Variants in CRYL1 observed in about 807,000 individuals in gnomAD.
CRYL1 encodes crystallin lambda 1.
In CRYL1, 29 loss-of-function variants were observed where a neutral mutation model predicts 36.6. That is an observed-to-expected ratio of 0.79 (90% confidence interval 0.59 to 1.08). The LOEUF (loss-of-function observed/expected upper bound fraction) is 1.08, where lower values mean the gene tolerates loss of function less well. Among genes scored for constraint, CRYL1 ranks in the 50% least tolerant of loss-of-function variants. The pLI, the probability that CRYL1 is intolerant of heterozygous loss-of-function variation, is 0.00. For missense variants in CRYL1, 411 were observed against 407.9 expected (o/e 1.01, Z -0.06); for synonymous variants, 152 against 151.5 (o/e 1.00, Z -0.02).
chr13:20,492,376 A>G (rs887743833), intron 2 of CRYL1, among the ~76,000 whole-genome samples: 20 of 152,234 alleles, frequency 1.3e-4, no homozygotes, highest in Non-Finnish European at 4.4e-5. Flanking sequence ...AAATTATCAC[A>G]AACAGTGGCT....
chr13:20,404,558 C>T (rs1376665908), intron 7 of CRYL1, 77 bp downstream of exon 7: 5 of 921,682 alleles, frequency 5.4e-6, no homozygotes, highest in Admixed American at 3.8e-5. Context: ...GGCCCACCCG[C>T]TGCAGAGGTG....
chr13:20,417,373 A>T (rs2031696577), intron 5 of CRYL1, among the ~76,000 whole-genome samples: 1 of 152,204 alleles, frequency 6.6e-6, no homozygotes, highest in Non-Finnish European at 1.5e-5. Context: ...CAGGGAACTG[A>T]CAAGCGATTC....
At chr13:20,516,760 G>A (rs562149996) in intron 1 of CRYL1, among the ~76,000 whole-genome samples, 2 of 152,250 alleles carry the variant, frequency 1.3e-5, no homozygotes, top group African/African-American at 2.4e-5. Context: ...GATTACAGGC[G>A]TCAGCCACCA....
intron 5 of CRYL1, chr13:20,431,137 A>T: frequency 2.0e-6 from 2 of 985,418 alleles, no homozygotes; most frequent in Non-Finnish European, 2.4e-6. Context: ...TGTGATGCAC[A>T]CCTGCCTGGT....
rs1438487693 is a variant in CRYL1, at chr13:20,415,916, C to T, written c.634-2529G>A. ...ATTCACCTGCGTCATGTGTCCATCTCCTTGATGCAGAGATATGAGTTTAGT... is the reference window on the plus strand; with the variant it reads ...ATTCACCTGCGTCATGTGTCCATCTTCTTGATGCAGAGATATGAGTTTAGT... On this transcript the variant is annotated intron_variant, in intron 5 of 7. Coordinates refer to ENST00000298248, the MANE Select transcript of CRYL1 (RefSeq NM_015974.3). This position sits in a 1 kb window ranked among gnomAD's most constrained non-coding sequence, Gnocchi z 4.1. Among the ~76,000 whole-genome samples, 3 of 152,222 alleles carry T rather than the reference C, an allele frequency of 2.0e-5. No individual in the cohort carries two copies. Among genetic ancestry groups the T allele is most frequent in the African/African-American group, 7.2e-5 (3 of 41,464 alleles).
rs183089566 is a variant in CRYL1 at position 20,524,318 on chromosome 13, T to A, written c.41+1436A>T. The stretch of plus-strand genomic sequence containing the variant: ...GAGTGTATATATATACACACACACA[T>A]AAACTCTGGTAACTATTAATAAAAT... On this transcript the variant is annotated intron_variant, in intron 1 of 7. Transcript: ENST00000298248. Among the ~76,000 whole-genome samples the A allele has an allele frequency of 4.7e-3, 722 of 152,218 alleles. 12 individuals carry two copies. The highest frequency in any genetic ancestry group is 0.016 in the African/African-American group (652 of 41,530).
At chr13:20,447,878 G>C (rs1051424212) in intron 3 of CRYL1, among the ~76,000 whole-genome samples, 2 of 152,098 alleles carry the variant, frequency 1.3e-5, no homozygotes, top group African/African-American at 4.8e-5. Context: ...CATAAAAACT[G>C]TTTGCCTCAG....
intron 2 of CRYL1, among the ~76,000 whole-genome samples, chr13:20,494,991 T>C (rs555624204): frequency 5.3e-5 from 8 of 152,346 alleles, no homozygotes; most frequent in Non-Finnish European, 7.3e-5. Context: ...GGACGTCCAG[T>C]GAAAGCTGCG....
At chr13:20,413,440 TG>T (rs773860829) in intron 5 of CRYL1, 53 bp from the exon 6 acceptor site, 66 of 1,106,464 alleles carry the variant, frequency 6.0e-5, no homozygotes, top group Non-Finnish European at 8.9e-5. Flanking sequence ...GACAATTTCA[TG>T]ACCACCACTT....
intron 3 of CRYL1, among the ~76,000 whole-genome samples, chr13:20,469,006 C>T (rs2032999680): frequency 1.3e-5 from 2 of 152,130 alleles, no homozygotes; most frequent in South Asian, 2.1e-4. Context: ...TGGAGAGTGT[C>T]GACGTCAAGC....
At chr13:20,436,793 A>G (rs1488503332) in intron 4 of CRYL1, among the ~76,000 whole-genome samples, 1 of 152,158 alleles carries the variant, frequency 6.6e-6, no homozygotes, top group Non-Finnish European at 1.5e-5. Flanking sequence ...CACGGCATGA[A>G]CAAGCCTCCT....
At chr13:20,480,885 T>C (rs939440644) in intron 3 of CRYL1, among the ~76,000 whole-genome samples, 2 of 152,192 alleles carry the variant, frequency 1.3e-5, no homozygotes, top group African/African-American at 4.8e-5. Context: ...AGAAGATAAA[T>C]ACATAATTAC....
chr13:20,497,455 AT>A (rs1258490383), intron 2 of CRYL1, among the ~76,000 whole-genome samples: 21 of 2,446 alleles, frequency 8.6e-3, no homozygotes, highest in Admixed American at 0.037. Context: ...CACACACCAC[AT>A]ATACACACTA....
rs34461619 is a variant in CRYL1, at chr13:20,499,345, C to CAAA, written c.150-9852_150-9850dup. Among the ~76,000 whole-genome samples the CAAA allele has an allele frequency of 2.0e-4, 23 of 114,620 alleles. 1 individual carries two copies. Among genetic ancestry groups the CAAA allele is most frequent in the Middle Eastern group, 4.7e-3 (1 of 212 alleles). The allele number at this position is 114,620 out of a possible 152,430, so 75.2% of individuals were successfully genotyped here. The stretch of plus-strand genomic sequence containing the variant: ...TGGGCAACAGAGTGAGACCCTGTCT[C>CAAA]AAAAAAAAAAAAAAAAAATGTGGCC... On this transcript the variant is annotated intron_variant, in intron 2 of 7. Transcript: ENST00000298248.
chr13:20,449,277 T>C (rs761444492), intron 3 of CRYL1, among the ~76,000 whole-genome samples: 1 of 152,194 alleles, frequency 6.6e-6, no homozygotes, highest in Non-Finnish European at 1.5e-5. Context: ...AATGCACATG[T>C]AAAAGTAAAG....
intron 3 of CRYL1, among the ~76,000 whole-genome samples, chr13:20,451,430 TAAAC>T (rs2032568809): frequency 6.6e-6 from 1 of 152,042 alleles, no homozygotes; most frequent in Non-Finnish European, 1.5e-5. Context: ...ATAAGGAACT[TAAAC>T]AATTGAACAA....
chr13:20,490,861 T>C (rs774644313), intron 2 of CRYL1, among the ~76,000 whole-genome samples: 1 of 152,178 alleles, frequency 6.6e-6, no homozygotes, highest in Non-Finnish European at 1.5e-5. Context: ...AAATTCTTAA[T>C]ATATTTTTGC....
At chr13:20,507,643 G>A (rs777633317) in intron 2 of CRYL1, among the ~76,000 whole-genome samples, 5 of 152,352 alleles carry the variant, frequency 3.3e-5, no homozygotes, top group African/African-American at 7.2e-5. Flanking sequence ...CCCAGGCTGG[G>A]CACAGTGGCT....
Position 20,434,480 on chromosome 13 carries a change from TC to T in CRYL1, c.439-2185del, listed in dbSNP as rs889266269. On this transcript the variant is annotated intron_variant, in intron 4 of 7. Coordinates refer to ENST00000298248, the MANE Select transcript of CRYL1 (RefSeq NM_015974.3). The stretch of plus-strand genomic sequence containing the variant: ...TCAGCAGGATTCTAAAAGTAGCTAA[TC>T]GGGGGAAGGATTGAAAAAAGGGAAC... Among the ~76,000 whole-genome samples, 20 of 151,914 alleles carry T rather than the reference TC, an allele frequency of 1.3e-4. No homozygotes were observed. In the South Asian group the frequency reaches 2.5e-3, roughly 19 times the overall value.
Sources: allele counts gnomAD v4.1 joint callset (sites outside exome capture counted in the v4.1 genomes callset), GRCh38; gene constraint gnomAD v4.1.1; non-coding constraint Gnocchi (gnomAD v3.1); transcripts MANE v1.5; gene names NCBI Gene and HGNC (gene_info 2026-07-23, HGNC 2026-07-21).